LZTR1: variants seen among roughly 807,000 people sequenced by gnomAD.
The protein encoded by LZTR1 is leucine-zipper-like transcriptional regulator 1.
LZTR1 carries 260 observed loss-of-function variants against 105.7 expected under a neutral mutation model. The observed-to-expected ratio is 2.46, with a 90% confidence interval of 2.22 to 2.72. The LOEUF (loss-of-function observed/expected upper bound fraction) is 2.72, where lower values mean the gene tolerates loss of function less well. Among genes scored for constraint, LZTR1 ranks in the 30% most tolerant of loss-of-function variants. The probability of loss-of-function intolerance (pLI) is 0.00; values close to 1 mark genes in which losing one functional copy is unlikely to be tolerated. For synonymous variants in LZTR1, 490 were observed against 476.4 expected, an observed-to-expected ratio of 1.03 and a Z score of -0.37; for missense variants, 1,214 against 1,166.9, an observed-to-expected ratio of 1.04 and a Z score of -0.59.
rs1304432509 is a variant in LZTR1 at position 20,998,089 on chromosome 22, C to T, written c.*741C>T. 6.6e-6 allele frequency: 1 copy of T among 152,362 alleles called. No homozygotes were observed. Among genetic ancestry groups the T allele is most frequent in the Non-Finnish European group, 1.5e-5 (1 of 68,154 alleles). The allele number at this position is 152,362 out of a possible 1,614,324, so 9.4% of individuals were successfully genotyped here. The stretch of plus-strand genomic sequence containing the variant: ...GCTGAGTATTCTGTCACAGACAAGC[C>T]TCCATTAAAGCCACAGCAGTGCTAC... On this transcript the variant is annotated 3_prime_UTR_variant, in exon 21 of 21. Coordinates refer to ENST00000646124, the MANE Select transcript of LZTR1 (RefSeq NM_006767.4).
intron 2 of LZTR1, among the ~76,000 whole-genome samples, chr22:20,984,029 A>G (rs1924289139): frequency 6.6e-6 from 1 of 152,062 alleles, no homozygotes; most frequent in Admixed American, 6.5e-5. Flanking sequence ...CTATGTTTGG[A>G]TTGTACCAAG....
At position 20,997,422 on chromosome 22, in the gene LZTR1, A is replaced by ATGCGCATGCCTATGGCAGTGGG. The variant is rs1190777571; in HGVS notation, c.*78_*99dup. On this transcript the variant is annotated 3_prime_UTR_variant, in exon 21 of 21. Coordinates refer to ENST00000646124, the MANE Select transcript of LZTR1 (RefSeq NM_006767.4). Reference sequence around the variant, plus strand: ...CTGCCTACTGAGAAGACTACCGGCTATGCGCATGCCTATGGCAGTGGGTGC... The same window carrying ATGCGCATGCCTATGGCAGTGGG: ...CTGCCTACTGAGAAGACTACCGGCTATGCGCATGCCTATGGCAGTGGGTGCGCATGCCTATGGCAGTGGGTGC... 4.4e-6 allele frequency: 5 copies of ATGCGCATGCCTATGGCAGTGGG among 1,131,056 alleles called. No homozygotes were observed. The highest frequency in any genetic ancestry group is 3.0e-5 in the African/African-American group (2 of 65,738). The allele number at this position is 1,131,056 out of a possible 1,614,324, so 70.1% of individuals were successfully genotyped here.
chr22:20,992,506 A>T, intron 10 of LZTR1, 137 bp downstream of exon 10: 5 of 1,036,556 alleles, frequency 4.8e-6, no homozygotes, highest in Non-Finnish European at 6.9e-6. Flanking sequence ...TACAGGGCCA[A>T]GGGCCCTCAC....
At position 20,998,811 on chromosome 22, in the gene LZTR1, T is replaced by G. The variant is rs1324893159; in HGVS notation, c.*1463T>G. ...GCCCAGCCATGTGGGCCAGGTGCAT[T>G]CACTCAGAGTGGGGCCACACACCCA... On this transcript the variant is annotated 3_prime_UTR_variant, in exon 21 of 21. Coordinates refer to ENST00000646124, the MANE Select transcript of LZTR1 (RefSeq NM_006767.4). 1 of 124,184 alleles carries G rather than the reference T, an allele frequency of 8.1e-6. No homozygotes were observed. The highest frequency in any genetic ancestry group is 2.8e-5 in the African/African-American group (1 of 35,894). 7.7% of individuals were successfully genotyped at this position (124,184 alleles called of 1,614,324 possible). A position where few individuals can be genotyped will look rare whatever the true frequency, so the allele number is the denominator to read the frequency against.
At position 20,996,086 on chromosome 22, in the gene LZTR1, G is replaced by A. The variant is rs781640756; in HGVS notation, c.2193G>A (p.Glu731=). The A allele has an allele frequency of 1.2e-6, 2 of 1,612,934 alleles. No homozygotes were observed. Among genetic ancestry groups the A allele is most frequent in the Non-Finnish European group, 1.7e-6 (2 of 1,180,000 alleles). The change falls in exon 18 of 21, where the codon GAG becomes GAA. Residue 731 remains glutamate (E), a synonymous_variant. Coordinates refer to ENST00000646124, the MANE Select transcript of LZTR1 (RefSeq NM_006767.4). ...TGCTGCGCTACATCTACTACGGCGA[G>A]GTCAACATGCCGCCCGAGGACTCGC... ...ESMLRYIYYG[E]VNMPPEDSLY... is the part of the protein sequence containing the mutation.
chr22:20,982,945 G>A, intron 1 of LZTR1, 82 bp from the exon 2 acceptor site: 1 of 1,132,356 alleles, frequency 8.8e-7, no homozygotes, highest in Non-Finnish European at 1.3e-6. Context: ...AACTTCCGTG[G>A]CAGCTCTCCT....
At chr22:20,987,692 C>A in intron 4 of LZTR1, 109 bp downstream of exon 4, 1 of 1,000,458 alleles carries the variant, frequency 1.0e-6, no homozygotes, top group Non-Finnish European at 1.6e-6. Context: ...AGCAGGGGCT[C>A]TCTCTCCACC....
chr22:20,994,595 C>A lies in LZTR1; in HGVS notation c.1653C>A (p.Tyr551Ter), dbSNP rs1411200130. The part of the protein sequence containing the change: ...VEDVLLIMDV[Y>*]KLALSFQLCR... ...ATGTGCTGCTCATCATGGATGTGTA[C>A]AAACTGGCACTGAGCTTCCAGTTGT... The change falls in exon 15 of 21, where the codon TAC becomes TAA. Residue 551 changes from tyrosine (Y) to a stop codon, truncating the protein, a stop_gained. Transcript: ENST00000646124. LOFTEE classifies it high-confidence loss of function. The A allele has an allele frequency of 1.9e-6, 3 of 1,612,286 alleles. No homozygotes were observed. Among genetic ancestry groups the A allele is most frequent in the Non-Finnish European group, 1.7e-6 (2 of 1,179,982 alleles).
rs201159165 is a variant in LZTR1 at position 20,994,218 on chromosome 22, G to A, written c.1564G>A (p.Glu522Lys). ...CCGGGAGGCCGAGGCCCGGCCCTTC[G>A]AGGTGCTCATGCAGTTCCTCTACAC... The part of the protein sequence containing the change: ...AIREAEARPF[E>K]VLMQFLYTDK... The change falls in exon 14 of 21, where the codon GAG (glutamate) becomes AAG (lysine). Residue 522 changes from glutamate to lysine, a missense_variant. By Grantham distance (56) the Glu-to-Lys change is moderately conservative (BLOSUM62 1). Coordinates refer to ENST00000646124, the MANE Select transcript of LZTR1 (RefSeq NM_006767.4). 85 of 1,601,256 alleles carry A rather than the reference G, an allele frequency of 5.3e-5. 1 individual carries two copies. The South Asian group carries it at 7.8e-4, about 15-fold the overall frequency.
At chr22:20,992,762 C>G in intron 10 of LZTR1, 32 bp from the exon 11 acceptor site, 1 of 1,383,074 alleles carries the variant, frequency 7.2e-7, no homozygotes, top group Admixed American at 1.9e-5. Flanking sequence ...CTCTGCTCCC[C>G]CACCATTCCA....
chr22:20,997,892 T>C lies in LZTR1; in HGVS notation c.*544T>C, dbSNP rs178296. The C allele has an allele frequency of 0.15, 22,370 of 154,118 alleles. 1,625 individuals carry two copies. The highest frequency in any genetic ancestry group is 0.19 in the Middle Eastern group (55 of 294). The allele number at this position is 154,118 out of a possible 1,614,324, so 9.5% of individuals were successfully genotyped here. The stretch of plus-strand genomic sequence containing the variant: ...CTTGTGAGTGGGGACCCATGATGTA[T>C]GGGTCTCACCTGACTTGAGGTGAAT... On this transcript the variant is annotated 3_prime_UTR_variant, in exon 21 of 21. Transcript: ENST00000646124.
chr22:20,987,920 CA>C, intron 4 of LZTR1, 89 bp from the exon 5 acceptor site: 1 of 802,538 alleles, frequency 1.2e-6, no homozygotes, highest in South Asian at 1.6e-5. Context: ...TATGCATTTT[CA>C]GGGGGGCCAG....
chr22:20,994,849 G>A, intron 15 of LZTR1, 21 bp from the exon 16 acceptor site: 2 of 1,612,474 alleles, frequency 1.2e-6, no homozygotes, highest in South Asian at 1.1e-5. Context: ...CTGCCTGCCT[G>A]CCTGTGCCTG....
chr22:20,989,826 G>C (rs568125003), intron 7 of LZTR1, 144 bp downstream of exon 7: 14 of 879,486 alleles, frequency 1.6e-5, no homozygotes, highest in Non-Finnish European at 2.5e-5. Context: ...GCTGGGGGTC[G>C]AGGCTGCTTT....
At position 20,992,759 on chromosome 22, in the gene LZTR1, C is replaced by T. The variant is rs73879466; in HGVS notation, c.1150-35C>T. The stretch of plus-strand genomic sequence containing the variant: ...CCAGCCGCACTGTGGAGGCTCTGCT[C>T]CCCCACCATTCCACCCTGCCTTCTT... On this transcript the variant is annotated intron_variant, in intron 10 of 20. Transcript: ENST00000646124. 1,452 of 1,348,154 alleles carry T rather than the reference C, an allele frequency of 1.1e-3. 13 individuals are homozygous for T. The African/African-American group carries it at 0.019, about 17-fold the overall frequency. 83.5% of individuals were successfully genotyped at this position (1,348,154 alleles called of 1,614,324 possible).
intron 2 of LZTR1, among the ~76,000 whole-genome samples, chr22:20,984,594 G>T (rs2147958564): frequency 7.6e-6 from 1 of 131,544 alleles, no homozygotes; most frequent in East Asian, 2.2e-4. Context: ...GCCTCCTGCG[G>T]CACGTGGGGC....
At chr22:20,989,570 A>G in intron 6 of LZTR1, 55 bp from the exon 7 acceptor site, 1 of 1,423,072 alleles carries the variant, frequency 7.0e-7, no homozygotes, top group Non-Finnish European at 9.9e-7. Context: ...AGCCAGGACT[A>G]GGCCCACCCT....
rs765549963 is a variant in LZTR1 at position 20,991,745 on chromosome 22, C to T, written c.909C>T (p.Ala303=). The change falls in exon 9 of 21, where the codon GCC becomes GCT. Residue 303 remains alanine (A), a synonymous_variant. Coordinates refer to ENST00000646124, the MANE Select transcript of LZTR1 (RefSeq NM_006767.4). The part of the protein sequence containing the change: ...DRHLYVFGGA[A]DNTLPNELHC... ...ACCTCTATGTGTTTGGGGGTGCGGCCGACAACACGCTGCCCAACGAGCTGC... is the reference window on the plus strand; with the variant it reads ...ACCTCTATGTGTTTGGGGGTGCGGCTGACAACACGCTGCCCAACGAGCTGC... 112 of 1,568,526 alleles carry T rather than the reference C, an allele frequency of 7.1e-5. No homozygotes were observed. Among genetic ancestry groups the T allele is most frequent in the South Asian group, 1.3e-4 (11 of 85,620 alleles).
chr22:20,993,832 C>A (rs1924696841), intron 12 of LZTR1, 78 bp downstream of exon 12: 1 of 1,568,324 alleles, frequency 6.4e-7, no homozygotes, highest in Non-Finnish European at 8.7e-7. Context: ...AAAACAGCTG[C>A]TGGCCTGGTG....
Sources: allele counts gnomAD v4.1 joint callset (sites outside exome capture counted in the v4.1 genomes callset), GRCh38; gene constraint gnomAD v4.1.1; transcripts MANE v1.5; gene names NCBI Gene and HGNC (gene_info 2026-07-23, HGNC 2026-07-21).